Variants in SP2 observed in about 807,000 individuals in gnomAD.
SP2 encodes the protein Sp2 transcription factor.
A neutral mutation model predicts 50.1 loss-of-function variants in SP2; 9 were observed. The ratio of observed to expected loss-of-function variants is 0.18; its 90% CI spans 0.11 to 0.31. The LOEUF is 0.31. Among genes scored for constraint, SP2 ranks in the 10% least tolerant of loss-of-function variants. The pLI, the probability that SP2 is intolerant of heterozygous loss-of-function variation, is 1.00. For synonymous variants in SP2, 313 were observed against 326.6 expected (o/e 0.96, Z 0.45); for missense variants, 581 against 806.5 (o/e 0.72, Z 3.39).
chr17:47,925,706 A>T (rs1486212315), intron 6 of SP2, among the ~76,000 whole-genome samples, 165 bp downstream of exon 6: 1 of 152,176 alleles, frequency 6.6e-6, no homozygotes, highest in African/African-American at 2.4e-5. Flanking sequence ...TTTTCAAGCC[A>T]TTCTGTTATC....
Position 47,921,917 on chromosome 17 carries a change from C to T in SP2, c.1060-1045C>T, listed in dbSNP as rs972047029. On this transcript the variant is annotated intron_variant, in intron 3 of 6. Transcript: ENST00000376741. ...AATAGACATACCTATGCAATGTCTA[C>T]GTAGATAGATGTAGATAAACTTATA... 3.3e-5 allele frequency among the ~76,000 whole-genome samples: 5 copies of T among 152,236 alleles called. No individual in the cohort carries two copies. In the South Asian group the frequency reaches 6.2e-4, roughly 19 times the overall value.
chr17:47,905,957 T>C (rs2034744016), intron 1 of SP2, among the ~76,000 whole-genome samples: 2 of 151,300 alleles, frequency 1.3e-5, no homozygotes, highest in Admixed American at 6.6e-5. Flanking sequence ...GTTGGGAGAG[T>C]TGGAAGGGAA....
intron 1 of SP2, among the ~76,000 whole-genome samples, chr17:47,911,411 G>A (rs981959912): frequency 6.6e-6 from 1 of 151,860 alleles, no homozygotes; most frequent in Non-Finnish European, 1.5e-5. Flanking sequence ...CGGATGTAGT[G>A]GTGGGTGCCT....
chr17:47,908,169 A>G (rs1451023152), intron 1 of SP2, among the ~76,000 whole-genome samples: 1 of 152,234 alleles, frequency 6.6e-6, no homozygotes, highest in African/African-American at 2.4e-5. Flanking sequence ...AGCTTGCTTC[A>G]GTAGATTCTG....
intron 1 of SP2, among the ~76,000 whole-genome samples, chr17:47,910,670 G>A (rs1207151475): frequency 6.6e-6 from 1 of 152,186 alleles, no homozygotes; most frequent in African/African-American, 2.4e-5. Context: ...TTGTAAGCAT[G>A]GCACAGACTT....
chr17:47,916,980 G>T lies in SP2; in HGVS notation c.909G>T (p.Val303=), dbSNP rs879119567. 1 of 1,614,160 alleles carries T rather than the reference G, an allele frequency of 6.2e-7. No homozygotes were observed. Among genetic ancestry groups the T allele is most frequent in the East Asian group, 2.2e-5 (1 of 44,884 alleles). The change falls in exon 3 of 7, where the codon GTG becomes GTT. Residue 303 remains valine (V), a synonymous_variant. Transcript: ENST00000376741. The surrounding 1 kb of genome is among the most constrained non-coding windows in gnomAD (Gnocchi z 4.7). ...CAGCTGTGGTCCAGCAGGTCCAGGT[G>T]GTGCCCCCCAAGGCCGAGCAGCAGC... ...GQPAVVQQVQ[V]VPPKAEQQQV...
downstream of SP2, among the ~76,000 whole-genome samples, chr17:47,930,833 A>T (rs1331399883): frequency 6.6e-6 from 1 of 152,032 alleles, no homozygotes; most frequent in Non-Finnish European, 1.5e-5. Flanking sequence ...ACCAAAGCCC[A>T]TCCCTCATGC....
At chr17:47,915,260 T>G in intron 1 of SP2, 52 bp from the exon 2 acceptor site, 1 of 1,280,542 alleles carries the variant, frequency 7.8e-7, no homozygotes, top group Non-Finnish European at 1.1e-6. Flanking sequence ...CAAGTGGGCT[T>G]GCGTTCTTTT....
chr17:47,901,904 G>A (rs933926417), intron 1 of SP2, among the ~76,000 whole-genome samples: 12 of 152,154 alleles, frequency 7.9e-5, no homozygotes, highest in African/African-American at 2.9e-4. Context: ...CCAGGGACTG[G>A]GATACATCAG....
At chr17:47,911,737 G>A (rs1465407346) in intron 1 of SP2, among the ~76,000 whole-genome samples, 1 of 151,688 alleles carries the variant, frequency 6.6e-6, no homozygotes, top group Non-Finnish European at 1.5e-5. Context: ...CCCGGGAGGC[G>A]GAGCTTGCAG....
rs756242452 is a variant in SP2, at chr17:47,916,525, C to T, written c.454C>T (p.Leu152Phe). Residue 152 changes from leucine to phenylalanine, a missense_variant, in exon 3 of 7, where the codon CTC becomes TTC. Coordinates refer to ENST00000376741, the MANE Select transcript of SP2 (RefSeq NM_003110.6). The surrounding 1 kb of genome is among the most constrained non-coding windows in gnomAD (Gnocchi z 4.7). ...NSQTIQVQPNLTNQIQIIPGT... is the reference protein window; with the variant it reads ...NSQTIQVQPNFTNQIQIIPGT... Reference sequence around the variant, plus strand: ...CCAAACCATCCAAGTACAGCCCAATCTCACCAACCAGATCCAGATCATCCC... The same window carrying T: ...CCAAACCATCCAAGTACAGCCCAATTTCACCAACCAGATCCAGATCATCCC... 1 of 1,614,142 alleles carries T rather than the reference C, an allele frequency of 6.2e-7. No individual in the cohort carries two copies. The highest frequency in any genetic ancestry group is 1.1e-5 in the South Asian group (1 of 91,078).
At chr17:47,897,386 A>G (rs972718093) in intron 1 of SP2, 4 of 152,260 alleles carry the variant, frequency 2.6e-5, no homozygotes, top group Non-Finnish European at 4.4e-5. Context: ...TTCTCAGTGC[A>G]TTCTCCCAAA....
intron 3 of SP2, among the ~76,000 whole-genome samples, chr17:47,922,737 AAAT>A (rs1385029728): frequency 6.6e-6 from 1 of 152,226 alleles, no homozygotes; most frequent in Non-Finnish European, 1.5e-5. Context: ...CATGCTAAGT[AAAT>A]TCAACGTTTG....
chr17:47,916,914 A>C lies in SP2; in HGVS notation c.843A>C (p.Gly281=), dbSNP rs200972130. 9.9e-5 allele frequency: 160 copies of C among 1,614,134 alleles called. No individual in the cohort carries two copies. The East Asian group carries it at 1.4e-3, about 14-fold the overall frequency. ...CCGCGGACAACATCATCCAGGCAGG[A>C]AATAACCTGCTCATTGTTCAGAGCC... ...ETTADNIIQA[G]NNLLIVQSPG... is the part of the protein sequence containing the mutation. Residue 281 remains glycine (G), a synonymous_variant, in exon 3 of 7, where the codon GGA becomes GGC. Coordinates refer to ENST00000376741, the MANE Select transcript of SP2 (RefSeq NM_003110.6). The surrounding 1 kb of genome is among the most constrained non-coding windows in gnomAD (Gnocchi z 4.7).
At chr17:47,906,137 C>A (rs1406911744) in intron 1 of SP2, among the ~76,000 whole-genome samples, 1 of 152,102 alleles carries the variant, frequency 6.6e-6, no homozygotes, top group Non-Finnish European at 1.5e-5. Context: ...AAGGGGGAGG[C>A]CAGAGGCCAG....
chr17:47,916,112 CG>C lies in SP2; in HGVS notation c.85-41del. The stretch of plus-strand genomic sequence containing the variant: ...ATCATGGACAGAGGCGGCCGGGCAG[CG>C]GGCCTTCCTGTCTCACTCCTTTTCT... On this transcript the variant is annotated intron_variant, in intron 2 of 6. Transcript: ENST00000376741. This position sits in a 1 kb window ranked among gnomAD's most constrained non-coding sequence, Gnocchi z 4.7. 1 of 1,557,728 alleles carries C rather than the reference CG, an allele frequency of 6.4e-7. No individual in the cohort carries two copies. The highest frequency in any genetic ancestry group is 8.7e-7 in the Non-Finnish European group (1 of 1,152,176).
chr17:47,926,905 G>A lies in SP2; in HGVS notation c.1742-819G>A, dbSNP rs542729154. Among the ~76,000 whole-genome samples, 4 of 152,364 alleles carry A rather than the reference G, an allele frequency of 2.6e-5. No individual in the cohort carries two copies. The South Asian group carries it at 6.2e-4, about 24-fold the overall frequency. ...CTGGGGCTAGAGGGCTGAGGGAAGC[G>A]TGACCCAGAGCTCCGGCTCCTGGCC... is the stretch of plus-strand genomic sequence containing the variant. On this transcript the variant is annotated intron_variant, in intron 6 of 6. Coordinates refer to ENST00000376741, the MANE Select transcript of SP2 (RefSeq NM_003110.6).
At chr17:47,898,536 C>T (rs776668084) in intron 1 of SP2, 5 of 152,334 alleles carry the variant, frequency 3.3e-5, no homozygotes, top group South Asian at 4.1e-4. Flanking sequence ...CAGCCATCTT[C>T]TAAACCTTGC....
At chr17:47,917,625 GTTTT>G (rs11287341) in intron 3 of SP2, among the ~76,000 whole-genome samples, 1 of 141,078 alleles carries the variant, frequency 7.1e-6, no homozygotes, top group Admixed American at 7.1e-5. Flanking sequence ...GTTTTAGGGT[GTTTT>G]TTTTTTTTTT....
Sources: gnomAD v4.1 joint callset for allele counts (sites outside exome capture counted in the v4.1 genomes callset) on GRCh38, gnomAD v4.1.1 for gene constraint, Gnocchi (gnomAD v3.1) non-coding constraint, MANE v1.5 for transcripts, NCBI Gene and HGNC (gene_info 2026-07-23, HGNC 2026-07-21) for gene names.